Variants in IKBKE observed in about 807,000 individuals in gnomAD.
The protein encoded by IKBKE is inhibitor of nuclear factor kappa-B kinase subunit epsilon.
In IKBKE, 45 loss-of-function variants were observed where a neutral mutation model predicts 92.1. That is an observed-to-expected ratio of 0.49 (90% confidence interval 0.38 to 0.63). IKBKE has a LOEUF of 0.63. Ranked by LOEUF, IKBKE falls within the 20% of genes least tolerant of loss-of-function variation. IKBKE has a pLI of 0.00. For missense variants in IKBKE, 700 were observed against 932.8 expected, an observed-to-expected ratio of 0.75 and a Z score of 3.25; for synonymous variants, 374 against 380.3, an observed-to-expected ratio of 0.98 and a Z score of 0.19.
At chr1:206,493,424 T>A (rs781799977) in intron 20 of IKBKE, 46 bp downstream of exon 20, 6 of 1,402,346 alleles carry the variant, frequency 4.3e-6, no homozygotes, top group African/African-American at 4.2e-5. Flanking sequence ...TGGAAGGGGG[T>A]TGCAGGGAGC....
chr1:206,480,534 G>A lies in IKBKE; in HGVS notation c.1427+1G>A, dbSNP rs2103464329. 2.5e-6 allele frequency: 4 copies of A among 1,611,712 alleles called. No individual in the cohort carries two copies. Among genetic ancestry groups the A allele is most frequent in the Non-Finnish European group, 3.4e-6 (4 of 1,178,450 alleles). ...TCAGCAGCAGCCTGGGAACTGAGAG[G>A]TGGGTGTTCGCCTCAGGCCAGCTGG... On this transcript the variant is annotated splice_donor_variant, in intron 13 of 21. Coordinates refer to ENST00000581977, the MANE Select transcript of IKBKE (RefSeq NM_014002.4). LOFTEE classifies it high-confidence loss of function.
At position 206,478,310 on chromosome 1, in the gene IKBKE, G is replaced by A. The variant is rs2103459658; in HGVS notation, c.963G>A (p.Leu321=). Residue 321 remains leucine, a synonymous_variant, in exon 9 of 22, where the codon CTG becomes CTA. Transcript: ENST00000581977. This position sits in a 1 kb window ranked among gnomAD's most constrained non-coding sequence, Gnocchi z 4.8. The part of the protein sequence containing the change: ...VHVFSLSQAV[L]HHIYIHAHNT... ...TCTTCTCCCTGTCCCAGGCAGTCCTGCACCACATCTATATCCATGCCCACA... is the reference window on the plus strand; with the variant it reads ...TCTTCTCCCTGTCCCAGGCAGTCCTACACCACATCTATATCCATGCCCACA... 2 of 1,613,844 alleles carry A rather than the reference G, an allele frequency of 1.2e-6. No individual in the cohort carries two copies. The highest frequency in any genetic ancestry group is 1.3e-5 in the African/African-American group (1 of 75,056).
intron 16 of IKBKE, among the ~76,000 whole-genome samples, chr1:206,489,992 C>T (rs1665865809): frequency 2.0e-5 from 3 of 152,194 alleles, no homozygotes; most frequent in South Asian, 4.1e-4. Flanking sequence ...CCTCACGGGA[C>T]TCCCAAGTGG....
chr1:206,475,301 A>C (rs770038620), intron 5 of IKBKE, among the ~76,000 whole-genome samples: 1 of 152,238 alleles, frequency 6.6e-6, no homozygotes, highest in East Asian at 1.9e-4. Flanking sequence ...ACATTATGTT[A>C]AGTGAAAAAA....
intron 20 of IKBKE, among the ~76,000 whole-genome samples, chr1:206,493,676 C>T (rs1639238333): frequency 6.6e-6 from 1 of 152,216 alleles, no homozygotes; most frequent in East Asian, 1.9e-4. Context: ...GTAATCTCAG[C>T]TACTTGGGAG....
rs1665071832 is a variant in IKBKE at position 206,476,541 on chromosome 1, G to A, written c.541-137G>A. On this transcript the variant is annotated intron_variant, in intron 6 of 21. Transcript: ENST00000581977. This position sits in a 1 kb window ranked among gnomAD's most constrained non-coding sequence, Gnocchi z 5.1. ...TCTCTAAGATGGAAAAGGTGAGGCT[G>A]ACACCCATTTTTAAGATGACAAAGA... The A allele has an allele frequency of 3.4e-6, 4 of 1,176,832 alleles. No homozygotes were observed. In the Admixed American group the frequency reaches 6.6e-5, roughly 19 times the overall value. The allele number at this position is 1,176,832 out of a possible 1,614,324, so 72.9% of individuals were successfully genotyped here.
intron 7 of IKBKE, among the ~76,000 whole-genome samples, chr1:206,477,548 C>G: frequency 6.6e-6 from 1 of 152,134 alleles, no homozygotes; most frequent in Non-Finnish European, 1.5e-5. Context: ...GTGTCTCTAC[C>G]TGAAGCAAAG....
chr1:206,489,342 T>C (rs1352083997), intron 16 of IKBKE, among the ~76,000 whole-genome samples: 1 of 99,856 alleles, frequency 1.0e-5, no homozygotes, highest in Non-Finnish European at 2.0e-5. Context: ...TATATGTGTG[T>C]ATATGTGTGT....
At position 206,493,302 on chromosome 1, in the gene IKBKE, C is replaced by G. The variant is rs1430127416; in HGVS notation, c.1969C>G (p.Arg657Gly). The change falls in exon 20 of 22, where the codon CGA becomes GGA. Residue 657 changes from arginine (R) to glycine (G), a missense_variant. Coordinates refer to ENST00000581977, the MANE Select transcript of IKBKE (RefSeq NM_014002.4). ...EELSHQLLQD[R>G]AKGAQASPPP... ...GCTATCTCACCAGCTCCTTCAGGAC[C>G]GAGCAAAGGGGGCTCAGGCCTCGCC... 1 of 1,614,014 alleles carries G rather than the reference C, an allele frequency of 6.2e-7. No homozygotes were observed. Among genetic ancestry groups the G allele is most frequent in the Non-Finnish European group, 8.5e-7 (1 of 1,180,002 alleles).
intron 1 of IKBKE, 22 bp downstream of exon 1, chr1:206,470,720 G>C (rs1664729916): frequency 6.6e-6 from 1 of 152,472 alleles, no homozygotes; most frequent in South Asian, 2.1e-4. Context: ...GCGTGCGGAG[G>C]GGGGTGGGGG....
intron 2 of IKBKE, among the ~76,000 whole-genome samples, chr1:206,472,559 C>A (rs2103445335): frequency 6.7e-6 from 1 of 148,952 alleles, no homozygotes; most frequent in Non-Finnish European, 1.5e-5. Context: ...CTCCCCAACG[C>A]CCTACACACA....
At position 206,484,095 on chromosome 1, in the gene IKBKE, T is replaced by TTTGTATTGTATTGTATTGTATTGTA. The variant is rs56098571; in HGVS notation, c.1428-859_1428-835dup. 2.6e-3 allele frequency among the ~76,000 whole-genome samples: 321 copies of TTTGTATTGTATTGTATTGTATTGTA among 122,132 alleles called. 2 individuals carry two copies. The highest frequency in any genetic ancestry group is 3.6e-3 in the East Asian group (15 of 4,110). 80.1% of individuals were successfully genotyped at this position (122,132 alleles called of 152,430 possible). A position where few individuals can be genotyped will look rare whatever the true frequency, so the allele number is the denominator to read the frequency against. ...GTGAGCCACCATGCCTGGCTTTTAT[T>TTTGTATTGTATTGTATTGTATTGTA]TTGTATTGTATTGTATTGTATTGTA... On this transcript the variant is annotated intron_variant, in intron 13 of 21. Transcript: ENST00000581977.
In IKBKE at chr1:206,495,998, G is replaced by A. The variant is rs1372101925; in HGVS notation, c.2118-114G>A. 2.2e-5 allele frequency: 16 copies of A among 717,178 alleles called. No homozygotes were observed. The African/African-American group carries it at 2.6e-4, about 12-fold the overall frequency. 44.4% of individuals were successfully genotyped at this position (717,178 alleles called of 1,614,324 possible). Reference sequence around the variant, plus strand: ...GGAGTGAGGGTGCTACAAGGGGAGAGCTGAGGACTTGAATGGCTCAGTGTT... The same window carrying A: ...GGAGTGAGGGTGCTACAAGGGGAGAACTGAGGACTTGAATGGCTCAGTGTT... On this transcript the variant is annotated intron_variant, in intron 21 of 21. Transcript: ENST00000581977.
At chr1:206,494,217 G>A (rs148452743) in intron 21 of IKBKE, among the ~76,000 whole-genome samples, 4 of 152,340 alleles carry the variant, frequency 2.6e-5, no homozygotes, top group African/African-American at 7.2e-5. Context: ...CTGTCAGGGA[G>A]ATGGGGGCCT....
At chr1:206,480,176 G>C (rs1418283305) in intron 12 of IKBKE, 63 bp downstream of exon 12, 1 of 972,650 alleles carries the variant, frequency 1.0e-6, no homozygotes, top group South Asian at 1.6e-5. Context: ...GCGGACAGGA[G>C]GGGGAGTGGG....
At chr1:206,474,614 G>C (rs1208779428) in intron 4 of IKBKE, 143 bp downstream of exon 4, 10 of 907,094 alleles carry the variant, frequency 1.1e-5, no homozygotes, top group Admixed American at 5.4e-5. Flanking sequence ...GGGAGCAAAG[G>C]GGGCAAGGGG....
intron 2 of IKBKE, among the ~76,000 whole-genome samples, chr1:206,471,747 A>G (rs991000352): frequency 6.6e-6 from 1 of 151,988 alleles, no homozygotes; most frequent in Non-Finnish European, 1.5e-5. Flanking sequence ...ACCTGATCTG[A>G]AACTAGGAGT....
In IKBKE at chr1:206,496,253, T is replaced by G; in HGVS notation, c.*108T>G. ...AAGATCCCATCCCATCACATCAGCC[T>G]ACCTCCCTCCTGGCTGCTGGCCAGG... On this transcript the variant is annotated 3_prime_UTR_variant, in exon 22 of 22. Coordinates refer to ENST00000581977, the MANE Select transcript of IKBKE (RefSeq NM_014002.4). 1 of 893,350 alleles carries G rather than the reference T, an allele frequency of 1.1e-6. No homozygotes were observed. Among genetic ancestry groups the G allele is most frequent in the Non-Finnish European group, 1.9e-6 (1 of 533,984 alleles). 55.3% of individuals were successfully genotyped at this position (893,350 alleles called of 1,614,324 possible).
chr1:206,491,529 C>T (rs142606055), intron 17 of IKBKE, 119 bp from the exon 18 acceptor site: 10 of 684,082 alleles, frequency 1.5e-5, no homozygotes, highest in South Asian at 7.8e-5. Flanking sequence ...CTGCTGTGGA[C>T]GCAGGGCTTG....
Sources: gnomAD v4.1 joint callset for allele counts (sites outside exome capture counted in the v4.1 genomes callset) on GRCh38, gnomAD v4.1.1 for gene constraint, Gnocchi (gnomAD v3.1) non-coding constraint, MANE v1.5 for transcripts, NCBI Gene and HGNC (gene_info 2026-07-23, HGNC 2026-07-21) for gene names.